The following ZC3H7B variants were observed in gnomAD, a reference collection of about 807,000 sequenced individuals.
ZC3H7B encodes zinc finger CCCH domain-containing protein 7B.
A neutral mutation model predicts 116.0 loss-of-function variants in ZC3H7B; 35 were observed. The observed-to-expected ratio is 0.30, with a 90% CI of 0.23 to 0.40. ZC3H7B has a LOEUF of 0.40. Ranked by LOEUF, ZC3H7B falls within the 10% of genes least tolerant of loss-of-function variation. The pLI is 1.00. For synonymous variants in ZC3H7B, 502 were observed against 545.6 expected (o/e 0.92, Z 1.11); for missense variants, 1,011 against 1,321.5 (o/e 0.77, Z 3.64).
intron 17 of ZC3H7B, among the ~76,000 whole-genome samples, chr22:41,352,681 G>A (rs1284159729): frequency 6.6e-6 from 1 of 152,042 alleles, no homozygotes; most frequent in Admixed American, 6.5e-5. Context: ...AGAATCGTGT[G>A]AACCCGGGAG....
Position 41,341,161 on chromosome 22 carries a change from T to C in ZC3H7B, c.1197+15T>C. On this transcript the variant is annotated intron_variant, in intron 11 of 22. Coordinates refer to ENST00000352645, the MANE Select transcript of ZC3H7B (RefSeq NM_017590.6). ...CAGCCCCCTCGGTGAGTGACTTGAG[T>C]GGGGATCCAGGCCTCTCATTCCCTG... The C allele has an allele frequency of 6.2e-7, 1 of 1,613,812 alleles. No individual in the cohort carries two copies. Among genetic ancestry groups the C allele is most frequent in the Non-Finnish European group, 8.5e-7 (1 of 1,179,816 alleles).
intron 1 of ZC3H7B, among the ~76,000 whole-genome samples, chr22:41,304,577 G>A (rs2036016233): frequency 1.3e-5 from 2 of 152,202 alleles, no homozygotes; most frequent in South Asian, 4.1e-4. Flanking sequence ...TGGGGTCAGT[G>A]CAGTGGGAGT....
chr22:41,334,456 GC>G (rs1047377352), intron 7 of ZC3H7B: 3 of 152,060 alleles, frequency 2.0e-5, no homozygotes, highest in South Asian at 2.1e-4. Context: ...CTGGCACCAG[GC>G]CCCCCCCAGT....
At chr22:41,334,863 AGG>A (rs35306799) in intron 7 of ZC3H7B, 1 of 152,296 alleles carries the variant, frequency 6.6e-6, no homozygotes, top group Non-Finnish European at 1.5e-5. Context: ...CTGTGCCCAC[AGG>A]GAGCTTCTTA....
In ZC3H7B at chr22:41,346,054, A is replaced by C. The variant is rs528368248; in HGVS notation, c.1511A>C (p.Tyr504Ser). 6.2e-7 allele frequency: 1 copy of C among 1,614,098 alleles called. No homozygotes were observed. Among genetic ancestry groups the C allele is most frequent in the African/African-American group, 1.3e-5 (1 of 75,034 alleles). The change falls in exon 14 of 23, where the codon TAC (tyrosine) becomes TCC (serine). Residue 504 changes from tyrosine to serine, a missense_variant. Around this residue, in one of 5 missense-constraint regions of ZC3H7B, gnomAD observed 179 missense variants for 178.5 expected, o/e 1.00. Coordinates refer to ENST00000352645, the MANE Select transcript of ZC3H7B (RefSeq NM_017590.6). This position sits in a 1 kb window ranked among gnomAD's most constrained non-coding sequence, Gnocchi z 5.3. Reference sequence around the variant, plus strand: ...TACGGGGATAACTGCACCTTCGCCTACCATCAGGAGGAGATCGACGTGTGG... The same window carrying C: ...TACGGGGATAACTGCACCTTCGCCTCCCATCAGGAGGAGATCGACGTGTGG... Reference protein sequence around the residue: ...CKYGDNCTFAYHQEEIDVWTE... With the variant: ...CKYGDNCTFASHQEEIDVWTE...
chr22:41,315,462 G>A (rs1226644219), intron 1 of ZC3H7B, among the ~76,000 whole-genome samples: 2 of 148,404 alleles, frequency 1.3e-5, no homozygotes, highest in East Asian at 3.9e-4. Context: ...TTACAGGTAT[G>A]AGCCACTAAG....
intron 10 of ZC3H7B, 114 bp downstream of exon 10, chr22:41,340,251 C>A: frequency 8.8e-7 from 1 of 1,141,180 alleles, no homozygotes; most frequent in South Asian, 1.6e-5. Context: ...CCCATCACTC[C>A]TTAGCAATCC....
intron 1 of ZC3H7B, among the ~76,000 whole-genome samples, chr22:41,316,201 C>T (rs887409127): frequency 5.9e-5 from 9 of 152,060 alleles, no homozygotes; most frequent in Non-Finnish European, 8.8e-5. Context: ...CCATGTTGGT[C>T]AGGCTGGTCT....
At chr22:41,324,569 T>C (rs544873479) in intron 2 of ZC3H7B, among the ~76,000 whole-genome samples, 5 of 152,302 alleles carry the variant, frequency 3.3e-5, no homozygotes, top group South Asian at 2.1e-4. Context: ...ATTGAGCCCA[T>C]TGGAGAGATG....
chr22:41,348,223 A>T (rs774667752), intron 15 of ZC3H7B, 56 bp downstream of exon 15: 13 of 1,498,700 alleles, frequency 8.7e-6, no homozygotes, highest in Non-Finnish European at 1.2e-5. Flanking sequence ...GAGTCCCCTC[A>T]GGCAGCTCAG....
In ZC3H7B at chr22:41,327,424, G is replaced by A. The variant is rs1054456900; in HGVS notation, c.444+60G>A. Reference sequence around the variant, plus strand: ...TCAGAGGCCAGGCTTCTGACCTTCCGGCCCTCACTTGGGCCCAGCCACCAC... The same window carrying A: ...TCAGAGGCCAGGCTTCTGACCTTCCAGCCCTCACTTGGGCCCAGCCACCAC... On this transcript the variant is annotated intron_variant, in intron 5 of 22. Transcript: ENST00000352645. The surrounding 1 kb of genome is among the most constrained non-coding windows in gnomAD (Gnocchi z 4.5). 6.6e-5 allele frequency: 104 copies of A among 1,579,202 alleles called. No individual in the cohort carries two copies. Among genetic ancestry groups the A allele is most frequent in the Non-Finnish European group, 7.3e-5 (85 of 1,167,038 alleles).
intron 9 of ZC3H7B, 81 bp downstream of exon 9, chr22:41,339,272 C>T (rs1158284150): frequency 1.4e-5 from 20 of 1,477,762 alleles, no homozygotes; most frequent in Non-Finnish European, 1.8e-5. Context: ...GGAGGGAAGG[C>T]CCCAATGCTC....
chr22:41,356,920 G>A lies in ZC3H7B; in HGVS notation c.2681+112G>A, dbSNP rs1357964923. 2.7e-5 allele frequency: 41 copies of A among 1,512,910 alleles called. No homozygotes were observed. In the East Asian group the frequency reaches 9.2e-4, roughly 34 times the overall value. 93.7% of individuals were successfully genotyped at this position (1,512,910 alleles called of 1,614,324 possible). ...GAGGTGGTGTGCAGGGAGTGGTGAGGCTTGGCTGTGACTGCAGCCATGGGG... is the reference window on the plus strand; with the variant it reads ...GAGGTGGTGTGCAGGGAGTGGTGAGACTTGGCTGTGACTGCAGCCATGGGG... On this transcript the variant is annotated intron_variant, in intron 22 of 22. Transcript: ENST00000352645.
At chr22:41,319,709 C>T (rs1012799277) in intron 1 of ZC3H7B, among the ~76,000 whole-genome samples, 3 of 151,844 alleles carry the variant, frequency 2.0e-5, no homozygotes, top group Admixed American at 6.6e-5. Context: ...TCGTGTGCCT[C>T]TCCACTAGAA....
chr22:41,304,250 A>C (rs563286904), intron 1 of ZC3H7B, among the ~76,000 whole-genome samples: 2 of 151,010 alleles, frequency 1.3e-5, no homozygotes, highest in African/African-American at 4.9e-5. Context: ...TTTTTGACAG[A>C]GTCTCACTCT....
At chr22:41,341,724 CA>C (rs1218446087) in intron 11 of ZC3H7B, among the ~76,000 whole-genome samples, 3 of 151,454 alleles carry the variant, frequency 2.0e-5, no homozygotes, top group African/African-American at 7.3e-5. Context: ...GCCTGGGCGA[CA>C]GAGCGAGACT....
At chr22:41,316,777 C>T (rs1569231678) in intron 1 of ZC3H7B, among the ~76,000 whole-genome samples, 1 of 151,914 alleles carries the variant, frequency 6.6e-6, no homozygotes, top group Non-Finnish European at 1.5e-5. Context: ...CAGGTTCAAG[C>T]GATTCTCCTG....
chr22:41,330,360 T>C (rs771481315), intron 6 of ZC3H7B, among the ~76,000 whole-genome samples: 2 of 152,270 alleles, frequency 1.3e-5, no homozygotes, highest in Non-Finnish European at 2.9e-5. Context: ...TGGCTGACTT[T>C]AGTCACCTGG....
Position 41,338,338 on chromosome 22 carries a change from T to C in ZC3H7B, c.608T>C (p.Ile203Thr), listed in dbSNP as rs376207528. Reference protein sequence around the residue: ...DQGTSNGLGSIDDIETDCYVD... With the variant: ...DQGTSNGLGSTDDIETDCYVD... ...GGAACTTCTAATGGATTGGGGTCCATAGATGACATCGAAACAGGTAATGTC... is the reference window on the plus strand; with the variant it reads ...GGAACTTCTAATGGATTGGGGTCCACAGATGACATCGAAACAGGTAATGTC... The change falls in exon 8 of 23, where the codon ATA (isoleucine) becomes ACA (threonine). Residue 203 changes from isoleucine to threonine, a missense_variant. This residue lies in a region of ZC3H7B where 322 missense variants were observed against 443.9 expected (regional missense o/e 0.73). Coordinates refer to ENST00000352645, the MANE Select transcript of ZC3H7B (RefSeq NM_017590.6). The surrounding 1 kb of genome is among the most constrained non-coding windows in gnomAD (Gnocchi z 4.5). 1 of 1,613,740 alleles carries C rather than the reference T, an allele frequency of 6.2e-7. No homozygotes were observed. The highest frequency in any genetic ancestry group is 1.3e-5 in the African/African-American group (1 of 74,984).
Sources: allele counts gnomAD v4.1 joint callset (sites outside exome capture counted in the v4.1 genomes callset), GRCh38; gene constraint gnomAD v4.1.1; regional missense constraint gnomAD v4.1.1; non-coding constraint Gnocchi (gnomAD v3.1); transcripts MANE v1.5; gene names NCBI Gene and HGNC (gene_info 2026-07-23, HGNC 2026-07-21).